The following DEF6 variants were observed in gnomAD, a reference collection of about 807,000 sequenced individuals.
DEF6 encodes the protein differentially expressed in FDCP 6 homolog.
Under a neutral mutation model 80.5 loss-of-function variants are expected in DEF6, and 32 were observed. The observed-to-expected ratio is 0.40, with a 90% CI of 0.30 to 0.53. DEF6 has a LOEUF of 0.53. Ranked by LOEUF, DEF6 falls within the 20% of genes least tolerant of loss-of-function variation. The pLI is 0.57. For missense variants in DEF6, 575 were observed against 818.7 expected (o/e 0.70, Z 3.63); for synonymous variants, 300 against 337.9 (o/e 0.89, Z 1.23).
Position 35,318,565 on chromosome 6 carries a change from AGCTCCTGGG to A in DEF6, c.1215+95_1215+103del. On this transcript the variant is annotated intron_variant, in intron 7 of 10. Transcript: ENST00000316637. This position sits in a 1 kb window ranked among gnomAD's most constrained non-coding sequence, Gnocchi z 5.1. Reference sequence around the variant, plus strand: ...GGGGCGGGGCCTGGGCAGAGGGCGGAGCTCCTGGGTTGAGGGGCGTGCACTGGGGTGGAG... The same window carrying A: ...GGGGCGGGGCCTGGGCAGAGGGCGGATTGAGGGGCGTGCACTGGGGTGGAG... 2.4e-6 allele frequency: 3 copies of A among 1,241,660 alleles called. No homozygotes were observed. Among genetic ancestry groups the A allele is most frequent in the Non-Finnish European group, 3.1e-6 (3 of 966,400 alleles). The allele number at this position is 1,241,660 out of a possible 1,614,324, so 76.9% of individuals were successfully genotyped here. A position where few individuals can be genotyped will look rare whatever the true frequency, so the allele number is the denominator to read the frequency against.
intron 1 of DEF6, 69 bp downstream of exon 1, chr6:35,298,021 A>G: frequency 2.2e-6 from 3 of 1,354,582 alleles, no homozygotes; most frequent in South Asian, 1.2e-5. Context: ...CCTGGGAGCC[A>G]GGTGTGGACA....
intron 1 of DEF6, among the ~76,000 whole-genome samples, chr6:35,306,530 A>C (rs1791392517): frequency 6.6e-6 from 1 of 151,964 alleles, no homozygotes. Context: ...AAAAAAGATG[A>C]AAGTTTCTCC....
rs1403841614 is a variant in DEF6, at chr6:35,312,944, C to T, written c.807+172C>T. Among the ~76,000 whole-genome samples, 1 of 152,172 alleles carries T rather than the reference C, an allele frequency of 6.6e-6. No homozygotes were observed. The highest frequency in any genetic ancestry group is 1.5e-5 in the Non-Finnish European group (1 of 68,042). On this transcript the variant is annotated intron_variant, in intron 5 of 10. Coordinates refer to ENST00000316637, the MANE Select transcript of DEF6 (RefSeq NM_022047.4). This position sits in a 1 kb window ranked among gnomAD's most constrained non-coding sequence, Gnocchi z 6.6. The stretch of plus-strand genomic sequence containing the variant: ...CCGGATGCCTCAAGGCCATTCTCAT[C>T]CACGTCAGCACTTAAAACTAAAACT...
At chr6:35,308,729 AATAAAAT>A (rs1246778285) in intron 1 of DEF6, among the ~76,000 whole-genome samples, 18 of 134,522 alleles carry the variant, frequency 1.3e-4, no homozygotes, top group African/African-American at 2.9e-4. Flanking sequence ...AAATAAAATA[AATAAAAT>A]AATAAAATAA....
At position 35,321,208 on chromosome 6, in the gene DEF6, G is replaced by A. The variant is rs199692410; in HGVS notation, c.1694G>A (p.Ser565Asn). Reference protein sequence around the residue: ...EPGDKRPVTSSSFSGFQPPLL... With the variant: ...EPGDKRPVTSNSFSGFQPPLL... ...CCAGATAAGCGTCCGGTCACCAGCAGCTCCTTCTCAGGCTTCCAGCCCCCT... is the reference window on the plus strand; with the variant it reads ...CCAGATAAGCGTCCGGTCACCAGCAACTCCTTCTCAGGCTTCCAGCCCCCT... The change falls in exon 11 of 11, where the codon AGC becomes AAC. Residue 565 changes from serine to asparagine, a missense_variant. Transcript: ENST00000316637. 36 of 1,612,688 alleles carry A rather than the reference G, an allele frequency of 2.2e-5. No individual in the cohort carries two copies. The East Asian group carries it at 6.0e-4, about 27-fold the overall frequency.
At position 35,312,150 on chromosome 6, in the gene DEF6, T is replaced by G; in HGVS notation, c.424-152T>G. 1.5e-6 allele frequency: 1 copy of G among 661,154 alleles called. No homozygotes were observed. Among genetic ancestry groups the G allele is most frequent in the Non-Finnish European group, 2.6e-6 (1 of 391,872 alleles). The allele number at this position is 661,154 out of a possible 1,614,324, so 41.0% of individuals were successfully genotyped here. On this transcript the variant is annotated intron_variant, in intron 3 of 10. Transcript: ENST00000316637. The surrounding 1 kb of genome is among the most constrained non-coding windows in gnomAD (Gnocchi z 6.6). Reference sequence around the variant, plus strand: ...AGGATCCTCTCCCAGGTCTTTTCCCTGGCTCCATAACATTCGGTCCTCTGG... The same window carrying G: ...AGGATCCTCTCCCAGGTCTTTTCCCGGGCTCCATAACATTCGGTCCTCTGG...
Position 35,317,921 on chromosome 6 carries a change from A to T in DEF6, c.838A>T (p.Met280Leu), listed in dbSNP as rs150923352. The T allele has an allele frequency of 6.2e-7, 1 of 1,613,948 alleles. No homozygotes were observed. Among genetic ancestry groups the T allele is most frequent in the African/African-American group, 1.3e-5 (1 of 75,044 alleles). Residue 280 changes from methionine to leucine, a missense_variant, in exon 6 of 11, where the codon ATG (methionine) becomes TTG (leucine). By Grantham distance (15) the Met-to-Leu change is conservative (BLOSUM62 2). Transcript: ENST00000316637. ...GCCAGACCGCGACGGAAAGCGCTGC[A>T]TGTTCTGTGTGAAGACAGCCAACCG... ...VLPDRDGKRCMFCVKTANRTY... is the reference protein window; with the variant it reads ...VLPDRDGKRCLFCVKTANRTY...
rs761978755 is a variant in DEF6, at chr6:35,320,985, A to G, written c.1672+11A>G. On this transcript the variant is annotated intron_variant, in intron 10 of 10. Coordinates refer to ENST00000316637, the MANE Select transcript of DEF6 (RefSeq NM_022047.4). ...CAATTGAGCCTGGAGGTGAGAAGGA[A>G]TAGACTCTGGAGCTTTCCCTGGAGC... The G allele has an allele frequency of 6.2e-7, 1 of 1,612,448 alleles. No individual in the cohort carries two copies. The highest frequency in any genetic ancestry group is 8.5e-7 in the Non-Finnish European group (1 of 1,178,972).
At position 35,303,642 on chromosome 6, in the gene DEF6, A is replaced by G. The variant is rs148113362; in HGVS notation, c.96+5690A>G. On this transcript the variant is annotated intron_variant, in intron 1 of 10. Transcript: ENST00000316637. Reference sequence around the variant, plus strand: ...TGAAAGATGATACATGACATGGAAGAAAATAAAGCAGAAATGGGTAGGGAT... The same window carrying G: ...TGAAAGATGATACATGACATGGAAGGAAATAAAGCAGAAATGGGTAGGGAT... Among the ~76,000 whole-genome samples the G allele has an allele frequency of 1.4e-4, 21 of 152,352 alleles. No individual in the cohort carries two copies. The East Asian group carries it at 4.0e-3, about 29-fold the overall frequency.
intron 5 of DEF6, chr6:35,316,026 ATTTT>A: frequency 6.5e-6 from 1 of 153,058 alleles, no homozygotes; most frequent in Non-Finnish European, 1.4e-5. Context: ...CACCTGGCTA[ATTTT>A]TTTTTTTTTT....
chr6:35,314,333 G>A (rs557022239), intron 5 of DEF6, among the ~76,000 whole-genome samples: 315 of 150,656 alleles, frequency 2.1e-3, no homozygotes, highest in Non-Finnish European at 3.8e-3. Flanking sequence ...GCTTGAACCT[G>A]GAGATGGAGG....
rs544674043 is a variant in DEF6, at chr6:35,306,637, C to T, written c.97-3033C>T. On this transcript the variant is annotated intron_variant, in intron 1 of 10. Coordinates refer to ENST00000316637, the MANE Select transcript of DEF6 (RefSeq NM_022047.4). ...AGGTTGAACCATATGAAATTTCTGA[C>T]ACTTGATTGTTTTGACCTACTGAAA... is the stretch of plus-strand genomic sequence containing the variant. Among the ~76,000 whole-genome samples, 14 of 152,306 alleles carry T rather than the reference C, an allele frequency of 9.2e-5. No homozygotes were observed. The East Asian group carries it at 2.7e-3, about 29-fold the overall frequency.
rs1191686182 is a variant in DEF6, at chr6:35,318,399, G to A, written c.1143G>A (p.Glu381=). Reference sequence around the variant, plus strand: ...AGGCCGAGCGGCTGCTGCAGGAGGAGGAGGAACGGCGCCGCAGCCAGCACC... The same window carrying A: ...AGGCCGAGCGGCTGCTGCAGGAGGAAGAGGAACGGCGCCGCAGCCAGCACC... ...QRQAERLLQE[E]EERRRSQHRE... Residue 381 remains glutamate, a synonymous_variant, in exon 7 of 11, where the codon GAG becomes GAA. Coordinates refer to ENST00000316637, the MANE Select transcript of DEF6 (RefSeq NM_022047.4). This position sits in a 1 kb window ranked among gnomAD's most constrained non-coding sequence, Gnocchi z 5.1. 9.1e-6 allele frequency: 14 copies of A among 1,532,546 alleles called. No individual in the cohort carries two copies. In the South Asian group the frequency reaches 1.3e-4, roughly 14 times the overall value. The allele number at this position is 1,532,546 out of a possible 1,614,324, so 94.9% of individuals were successfully genotyped here.
At chr6:35,310,977 C>CT (rs1043197178) in intron 3 of DEF6, among the ~76,000 whole-genome samples, 2 of 152,006 alleles carry the variant, frequency 1.3e-5, no homozygotes, top group African/African-American at 2.4e-5. Flanking sequence ...AGGAAGGGTG[C>CT]TTTTTTTTCC....
At position 35,318,459 on chromosome 6, in the gene DEF6, C is replaced by T. The variant is rs1372410317; in HGVS notation, c.1203C>T (p.Arg401=). The change falls in exon 7 of 11, where the codon CGC becomes CGT. Residue 401 remains arginine, a synonymous_variant. Transcript: ENST00000316637. This position sits in a 1 kb window ranked among gnomAD's most constrained non-coding sequence, Gnocchi z 5.1. ...ELQQALEGQL[R]EAEQARASMQ... is the part of the protein sequence containing the mutation. ...AGCAGGCGCTCGAGGGCCAACTGCGCGAGGCGGAGCAGGTGGGGTTAGCTC... is the reference window on the plus strand; with the variant it reads ...AGCAGGCGCTCGAGGGCCAACTGCGTGAGGCGGAGCAGGTGGGGTTAGCTC... 1 of 1,440,440 alleles carries T rather than the reference C, an allele frequency of 6.9e-7. No homozygotes were observed. The highest frequency in any genetic ancestry group is 1.5e-5 in the African/African-American group (1 of 66,874). The allele number at this position is 1,440,440 out of a possible 1,614,324, so 89.2% of individuals were successfully genotyped here.
At chr6:35,301,699 A>G (rs966547523) in intron 1 of DEF6, among the ~76,000 whole-genome samples, 1 of 146,048 alleles carries the variant, frequency 6.8e-6, no homozygotes, top group African/African-American at 2.5e-5. Context: ...ACTAGAATAC[A>G]TTTGGTAACT....
chr6:35,314,827 C>CA (rs56340406), intron 5 of DEF6, among the ~76,000 whole-genome samples: 112,007 of 152,072 alleles, frequency 0.74, 42,430 homozygotes, highest in Non-Finnish European at 0.82. Context: ...AGGTCTTCCA[C>CA]AAAAAATCTC....
At chr6:35,308,808 T>C (rs548273663) in intron 1 of DEF6, among the ~76,000 whole-genome samples, 1 of 152,094 alleles carries the variant, frequency 6.6e-6, no homozygotes, top group African/African-American at 2.4e-5. Context: ...GACCGGCATA[T>C]GGTAAGTGTG....
intron 1 of DEF6, 37 bp from the exon 2 acceptor site, chr6:35,309,633 G>T (rs779588677): frequency 5.4e-5 from 86 of 1,603,200 alleles, no homozygotes; most frequent in Non-Finnish European, 6.0e-6. Context: ...TTTGGTTGGG[G>T]TGCAGAAAGA....
Sources: allele counts gnomAD v4.1 joint callset (sites outside exome capture counted in the v4.1 genomes callset), GRCh38; gene constraint gnomAD v4.1.1; non-coding constraint Gnocchi (gnomAD v3.1); transcripts MANE v1.5; gene names NCBI Gene and HGNC (gene_info 2026-07-23, HGNC 2026-07-21).